XKR6: variants seen among roughly 807,000 people sequenced by gnomAD.
XKR6 encodes the protein XK-related protein 6.
A neutral mutation model predicts 56.7 loss-of-function variants in XKR6; 22 were observed. The observed-to-expected ratio is 0.39, with a 90% confidence interval of 0.28 to 0.55. The LOEUF is 0.55. Among genes scored for constraint, XKR6 ranks in the 20% least tolerant of loss-of-function variants. The pLI, the probability that XKR6 is intolerant of heterozygous loss-of-function variation, is 0.66. For missense variants in XKR6, 852 were observed against 889.0 expected (o/e 0.96, Z 0.53); for synonymous variants, 524 against 387.8 (o/e 1.35, Z -4.13).
chr8:11,159,056 A>G (rs1801664992), intron 1 of XKR6, among the ~76,000 whole-genome samples: 1 of 152,160 alleles, frequency 6.6e-6, no homozygotes, highest in African/African-American at 2.4e-5. Context: ...CATTAGGCAA[A>G]TTACTTACCT....
At chr8:11,014,141 C>G (rs1162405651) in intron 1 of XKR6, among the ~76,000 whole-genome samples, 1 of 152,194 alleles carries the variant, frequency 6.6e-6, no homozygotes. Context: ...TACTCTGGTA[C>G]CGGGTCAGCA....
intron 1 of XKR6, among the ~76,000 whole-genome samples, chr8:11,145,692 A>G (rs973596622): frequency 6.6e-6 from 1 of 152,242 alleles, no homozygotes; most frequent in Non-Finnish European, 1.5e-5. Context: ...ATAATTGCTA[A>G]GAGAAATTAA....
intron 1 of XKR6, among the ~76,000 whole-genome samples, chr8:10,941,251 T>C (rs1230803569): frequency 6.6e-6 from 1 of 151,958 alleles, no homozygotes; most frequent in Admixed American, 6.6e-5. Flanking sequence ...CCTTCAGCCC[T>C]TGACTGTCTG....
intron 1 of XKR6, among the ~76,000 whole-genome samples, chr8:11,173,893 C>A (rs952436176): frequency 6.6e-6 from 1 of 152,060 alleles, no homozygotes; most frequent in Admixed American, 6.6e-5. Context: ...AGTTATTAGA[C>A]GGGACACAGT....
At chr8:11,000,384 A>G (rs1316703490) in intron 1 of XKR6, among the ~76,000 whole-genome samples, 3 of 152,198 alleles carry the variant, frequency 2.0e-5, no homozygotes, top group African/African-American at 2.4e-5. Context: ...ACATAATTCC[A>G]CTTCAGTAGA....
At chr8:10,986,259 C>T (rs188943490) in intron 1 of XKR6, among the ~76,000 whole-genome samples, 6 of 152,156 alleles carry the variant, frequency 3.9e-5, no homozygotes, top group South Asian at 4.1e-4. Context: ...AACTTCACAA[C>T]GTATGTATTC....
rs1586549598 is a variant in XKR6 at position 11,104,241 on chromosome 8, G to C, written c.764+96335C>G. ...CTGGGAAATAAAAGGACACACTTTG[G>C]AGAACTGTGAATCTGACTGGAGATC... On this transcript the variant is annotated intron_variant, in intron 1 of 2. Coordinates refer to ENST00000416569, the MANE Select transcript of XKR6 (RefSeq NM_173683.4). 2.6e-5 allele frequency among the ~76,000 whole-genome samples: 4 copies of C among 152,328 alleles called. No individual in the cohort carries two copies. In the East Asian group the frequency reaches 7.7e-4, roughly 29 times the overall value.
chr8:10,930,012 C>T (rs1450643911), intron 1 of XKR6, among the ~76,000 whole-genome samples: 2 of 152,178 alleles, frequency 1.3e-5, no homozygotes, highest in African/African-American at 2.4e-5. Flanking sequence ...CCTGCTGGCT[C>T]GTCTGAGGCT....
At chr8:11,143,267 A>G (rs1472042506) in intron 1 of XKR6, among the ~76,000 whole-genome samples, 1 of 152,236 alleles carries the variant, frequency 6.6e-6, no homozygotes, top group Non-Finnish European at 1.5e-5. Context: ...TCTCATGAAG[A>G]TCAGCAGTAG....
At chr8:11,090,827 G>A (rs1245008738) in intron 1 of XKR6, among the ~76,000 whole-genome samples, 1 of 151,934 alleles carries the variant, frequency 6.6e-6, no homozygotes, top group Non-Finnish European at 1.5e-5. Flanking sequence ...TACCATCTGG[G>A]GCTTATCTTT....
intron 1 of XKR6, among the ~76,000 whole-genome samples, chr8:10,979,209 G>T (rs891061293): frequency 5.3e-5 from 8 of 152,016 alleles, no homozygotes; most frequent in Admixed American, 2.0e-4. Context: ...CCACTAGGAA[G>T]GGCTCCTGGA....
chr8:11,046,435 AAAG>A (rs1287628752), intron 1 of XKR6, among the ~76,000 whole-genome samples: 2 of 152,126 alleles, frequency 1.3e-5, no homozygotes, highest in Non-Finnish European at 2.9e-5. Flanking sequence ...GAGTAAAAGA[AAAG>A]AAGAAAGCAG....
intron 1 of XKR6, among the ~76,000 whole-genome samples, chr8:11,133,968 G>C (rs1224401586): frequency 6.6e-6 from 1 of 152,106 alleles, no homozygotes; most frequent in Non-Finnish European, 1.5e-5. Context: ...TTTTTGACCT[G>C]ATCTTCTATC....
chr8:11,109,912 T>A (rs534438878), intron 1 of XKR6, among the ~76,000 whole-genome samples: 1 of 152,184 alleles, frequency 6.6e-6, no homozygotes, highest in Admixed American at 6.5e-5. Flanking sequence ...AAACAGCCAA[T>A]AGAGGTTCAG....
chr8:11,132,681 C>G (rs1380141227), intron 1 of XKR6, among the ~76,000 whole-genome samples: 1 of 151,830 alleles, frequency 6.6e-6, no homozygotes, highest in Admixed American at 6.6e-5. Flanking sequence ...ACTTAAAGTT[C>G]TATGTCATAC....
chr8:11,194,934 A>G, intron 1 of XKR6: 1 of 548,256 alleles, frequency 1.8e-6, no homozygotes, highest in Non-Finnish European at 3.2e-6. Flanking sequence ...GCTCCAAAGC[A>G]TGCCATTTTT....
chr8:11,196,414 CAAACA>C (rs545640719), intron 1 of XKR6, among the ~76,000 whole-genome samples: 16 of 148,904 alleles, frequency 1.1e-4, no homozygotes, highest in East Asian at 9.6e-4. Flanking sequence ...GCTCAAAAAG[CAAACA>C]AAACAAAACA....
intron 1 of XKR6, chr8:11,105,442 C>G (rs921338306): frequency 1.3e-5 from 2 of 152,164 alleles, no homozygotes; most frequent in Non-Finnish European, 2.9e-5. Context: ...TCCTGGTGCT[C>G]AAGCGCCCTT....
chr8:11,147,822 G>A (rs904842589), intron 1 of XKR6, among the ~76,000 whole-genome samples: 2 of 152,164 alleles, frequency 1.3e-5, no homozygotes, highest in Non-Finnish European at 2.9e-5. Context: ...ATTACAGGCT[G>A]AACTGACCCC....
Sources: allele counts gnomAD v4.1 joint callset (sites outside exome capture counted in the v4.1 genomes callset), GRCh38; gene constraint gnomAD v4.1.1; transcripts MANE v1.5; gene names NCBI Gene and HGNC (gene_info 2026-07-23, HGNC 2026-07-21).